Variants in CDC42BPG observed in about 807,000 individuals in gnomAD.
The protein encoded by CDC42BPG is CDC42 binding protein kinase gamma, also known as serine/threonine-protein kinase MRCK gamma.
Under a neutral mutation model 192.2 loss-of-function variants are expected in CDC42BPG, and 157 were observed. The ratio of observed to expected loss-of-function variants is 0.82; its 90% CI spans 0.72 to 0.93. CDC42BPG has a LOEUF of 0.93. Among genes scored for constraint, CDC42BPG ranks in the 40% least tolerant of loss-of-function variants. The probability of loss-of-function intolerance (pLI) is 0.00; values close to 1 mark genes in which losing one functional copy is unlikely to be tolerated. For synonymous variants in CDC42BPG, 981 were observed against 918.5 expected (o/e 1.07, Z -1.23); for missense variants, 1,992 against 2,122.1 (o/e 0.94, Z 1.20).
intron 36 of CDC42BPG, among the ~76,000 whole-genome samples, chr11:64,825,306 C>T (rs1942375255): frequency 6.6e-6 from 1 of 152,156 alleles, no homozygotes; most frequent in African/African-American, 2.4e-5. Context: ...ACCCCCACCA[C>T]CAAGGAGCCC....
At chr11:64,830,441 G>A in intron 28 of CDC42BPG, 185 bp from the exon 29 acceptor site, 5 of 638,356 alleles carry the variant, frequency 7.8e-6, no homozygotes, top group Admixed American at 2.4e-5. Context: ...GGGTTGGGGT[G>A]AGGCCCATCA....
At position 64,832,652 on chromosome 11, in the gene CDC42BPG, A is replaced by G. The variant is rs2136289427; in HGVS notation, c.2957T>C (p.Leu986Pro). ...GGCCCCACTGGGCGGGCTGAGCCTCAGGTCAGGGGCGTCAAACAGCAGCAG... is the reference window on the plus strand; with the variant it reads ...GGCCCCACTGGGCGGGCTGAGCCTCGGGTCAGGGGCGTCAAACAGCAGCAG... Reference protein sequence around the residue: ...SRLLLFDAPDLRLSPPSGALL... With the variant: ...SRLLLFDAPDPRLSPPSGALL... The change falls in exon 26 of 37, where the codon CTG becomes CCG. Residue 986 changes from leucine to proline, a missense_variant. By Grantham distance (98) the Leu-to-Pro change is moderately conservative. This residue lies in a region of CDC42BPG where 1,656 missense variants were observed against 1,844.3 expected (regional missense o/e 0.90). Coordinates refer to ENST00000342711, the MANE Select transcript of CDC42BPG (RefSeq NM_017525.3). 6.2e-7 allele frequency: 1 copy of G among 1,613,780 alleles called. No individual in the cohort carries two copies. The highest frequency in any genetic ancestry group is 8.5e-7 in the Non-Finnish European group (1 of 1,179,998).
At chr11:64,824,550 A>C (rs1942347506) in intron 36 of CDC42BPG, 21 bp from the exon 37 acceptor site, 1 of 1,579,378 alleles carries the variant, frequency 6.3e-7, no homozygotes, top group Admixed American at 1.7e-5. Context: ...AAGAAAAGGA[A>C]GTCAAGGGGT....
In CDC42BPG at chr11:64,838,178, G is replaced by A. The variant is rs1340228755; in HGVS notation, c.1126-16C>T. The A allele has an allele frequency of 3.2e-6, 5 of 1,547,228 alleles. No individual in the cohort carries two copies. Among genetic ancestry groups the A allele is most frequent in the African/African-American group, 2.7e-5 (2 of 73,022 alleles). On this transcript the variant is annotated splice_polypyrimidine_tract_variant and intron_variant, in intron 8 of 36. Transcript: ENST00000342711. ...GCAGGGTCCCCTGCAGAGGGAGAGG[G>A]AAGGAGAGTCAGAGTCCACAGGCCA...
In CDC42BPG at chr11:64,834,953, C is replaced by T. The variant is rs770211314; in HGVS notation, c.2071G>A (p.Glu691Lys). The T allele has an allele frequency of 1.2e-6, 2 of 1,614,062 alleles. No homozygotes were observed. The highest frequency in any genetic ancestry group is 2.2e-5 in the South Asian group (2 of 91,086). The change falls in exon 18 of 37, where the codon GAG (glutamate) becomes AAG (lysine). Residue 691 changes from glutamate to lysine, a missense_variant. Glu to Lys is a moderately conservative substitution (Grantham distance 56). This residue lies in a region of CDC42BPG where 1,656 missense variants were observed against 1,844.3 expected (regional missense o/e 0.90). Coordinates refer to ENST00000342711, the MANE Select transcript of CDC42BPG (RefSeq NM_017525.3). The part of the protein sequence containing the change: ...LADILSWVND[E>K]KVSRGYLQAL... The stretch of plus-strand genomic sequence containing the variant: ...TGCAGGTAGCCTCTTGAGACCTTCT[C>T]ATCATTCACCCTGAATGGGAAGGGG...
chr11:64,844,182 T>G (rs1565705288), intron 1 of CDC42BPG, among the ~76,000 whole-genome samples: 1 of 151,804 alleles, frequency 6.6e-6, no homozygotes, highest in Non-Finnish European at 1.5e-5. Flanking sequence ...TGTGCATGTG[T>G]CGGGGTCTGT....
intron 36 of CDC42BPG, among the ~76,000 whole-genome samples, chr11:64,824,954 C>T (rs1375696242): frequency 6.6e-6 from 1 of 151,308 alleles, no homozygotes; most frequent in African/African-American, 2.4e-5. Context: ...CAGAGTCTCG[C>T]TCTGGAGGCT....
intron 5 of CDC42BPG, 111 bp from the exon 6 acceptor site, chr11:64,839,682 A>T (rs1314866975): frequency 2.4e-6 from 2 of 831,326 alleles, no homozygotes. Flanking sequence ...GCTCACACAC[A>T]TTCCTGTGTG....
intron 18 of CDC42BPG, 119 bp downstream of exon 18, chr11:64,834,728 CTA>C: frequency 5.3e-6 from 7 of 1,329,736 alleles, no homozygotes; most frequent in Non-Finnish European, 7.2e-6. Flanking sequence ...AGGGAAATCA[CTA>C]TCTCTCATGA....
rs745610303 is a variant in CDC42BPG, at chr11:64,827,337, G to C, written c.4212C>G (p.Thr1404=). ...TDNSRRQLFR[T]KSKRRFFFRV... is the part of the protein sequence containing the mutation. ...GGAAAAAGAAGCGGCGCTTGCTCTTGGTGCGGAACAGCTGGCGCCGGCTGT... is the reference window on the plus strand; with the variant it reads ...GGAAAAAGAAGCGGCGCTTGCTCTTCGTGCGGAACAGCTGGCGCCGGCTGT... The change falls in exon 33 of 37, where the codon ACC becomes ACG. Residue 1404 remains threonine (T), a synonymous_variant. Coordinates refer to ENST00000342711, the MANE Select transcript of CDC42BPG (RefSeq NM_017525.3). The C allele has an allele frequency of 6.2e-7, 1 of 1,614,008 alleles. No individual in the cohort carries two copies. The highest frequency in any genetic ancestry group is 1.3e-5 in the African/African-American group (1 of 74,942).
At chr11:64,826,338 G>C in intron 36 of CDC42BPG, 132 bp downstream of exon 36, 1 of 680,622 alleles carries the variant, frequency 1.5e-6, no homozygotes, top group Non-Finnish European at 2.7e-6. Context: ...GTAAGAATCT[G>C]CATCTCGTAG....
chr11:64,842,651 C>T (rs931822260), intron 1 of CDC42BPG, among the ~76,000 whole-genome samples: 37 of 152,278 alleles, frequency 2.4e-4, no homozygotes, highest in South Asian at 4.1e-4. Flanking sequence ...CCTGTCTGGA[C>T]GAAGCTTTTG....
intron 16 of CDC42BPG, 38 bp downstream of exon 16, chr11:64,835,309 C>T (rs1942927788): frequency 6.2e-7 from 1 of 1,612,512 alleles, no homozygotes; most frequent in African/African-American, 1.3e-5. Flanking sequence ...ATTGCCTTGT[C>T]CGTCTGTTGT....
In CDC42BPG at chr11:64,836,891, C is replaced by T. The variant is rs953205486; in HGVS notation, c.1303+31G>A. 5 of 1,609,830 alleles carry T rather than the reference C, an allele frequency of 3.1e-6. No individual in the cohort carries two copies. The African/African-American group carries it at 4.0e-5, about 13-fold the overall frequency. On this transcript the variant is annotated intron_variant, in intron 10 of 36. Coordinates refer to ENST00000342711, the MANE Select transcript of CDC42BPG (RefSeq NM_017525.3). ...GCAGCAGCAGCCCCTAGGGCCAGCACACCCAGGCCCGGCCCAGCCGCTCCC... is the reference window on the plus strand; with the variant it reads ...GCAGCAGCAGCCCCTAGGGCCAGCATACCCAGGCCCGGCCCAGCCGCTCCC...
intron 4 of CDC42BPG, 132 bp downstream of exon 4, chr11:64,840,421 C>T: frequency 1.4e-6 from 2 of 1,389,860 alleles, no homozygotes; most frequent in South Asian, 2.6e-5. Flanking sequence ...GGCGCCAAGC[C>T]CAGGAACTGG....
chr11:64,824,751 T>C lies in CDC42BPG; in HGVS notation c.4600-222A>G, dbSNP rs142288359. On this transcript the variant is annotated intron_variant, in intron 36 of 36. Transcript: ENST00000342711. ...GAATGGACTCAAAGTCCTTTTTTTT[T>C]TCTTTTTTTCTGAGACAGAGTCTTG... Among the ~76,000 whole-genome samples the C allele has an allele frequency of 1.2e-3, 189 of 152,138 alleles. 5 individuals are homozygous for C. The East Asian group carries it at 0.034, about 27-fold the overall frequency.
Position 64,833,972 on chromosome 11 carries a change from T to C in CDC42BPG, c.2419A>G (p.Lys807Glu). The C allele has an allele frequency of 6.2e-7, 1 of 1,614,174 alleles. No homozygotes were observed. The highest frequency in any genetic ancestry group is 8.5e-7 in the Non-Finnish European group (1 of 1,180,010). The change falls in exon 21 of 37, where the codon AAG becomes GAG. Residue 807 changes from lysine (K) to glutamate (E), a missense_variant. This residue lies in a region of CDC42BPG where 1,656 missense variants were observed against 1,844.3 expected (regional missense o/e 0.90). Coordinates refer to ENST00000342711, the MANE Select transcript of CDC42BPG (RefSeq NM_017525.3). ...ELRARGPVDT[K>E]PSNSLIPFLS... ...AAGGGAATCAGGGAGTTTGAGGGCT[T>C]GGTGTCTGCAAAGAAAGGGTGGGTC...
chr11:64,838,134 G>A lies in CDC42BPG; in HGVS notation c.1154C>T (p.Ala385Val). ...GAATGGCAGGTGATGGCCGGAGAAG[G>A]CCCCGTGGGAGGGCGGTGGCAGGGT... ...PGTLPPPSHG[A>V]FSGHHLPFVG... is the part of the protein sequence containing the mutation. The change falls in exon 9 of 37, where the codon GCC (alanine) becomes GTC (valine). Residue 385 changes from alanine (A) to valine (V), a missense_variant. Physicochemically the swap from Ala to Val is moderately conservative, Grantham distance 64. Coordinates refer to ENST00000342711, the MANE Select transcript of CDC42BPG (RefSeq NM_017525.3). The A allele has an allele frequency of 6.4e-7, 1 of 1,553,968 alleles. No homozygotes were observed. Among genetic ancestry groups the A allele is most frequent in the Non-Finnish European group, 8.7e-7 (1 of 1,149,244 alleles).
chr11:64,827,266 G>A lies in CDC42BPG; in HGVS notation c.4271+12C>T, dbSNP rs776875707. The A allele has an allele frequency of 9.3e-6, 15 of 1,613,388 alleles. No homozygotes were observed. The East Asian group carries it at 1.1e-4, about 12-fold the overall frequency. ...CCCACCCAGCCTCAGCCCCCGCGTC[G>A]TGCACGCGCACCTGCGCTGCTGCTT... is the stretch of plus-strand genomic sequence containing the variant. On this transcript the variant is annotated intron_variant, in intron 33 of 36. Coordinates refer to ENST00000342711, the MANE Select transcript of CDC42BPG (RefSeq NM_017525.3).
Sources: allele counts gnomAD v4.1 joint callset (sites outside exome capture counted in the v4.1 genomes callset), GRCh38; gene constraint gnomAD v4.1.1; regional missense constraint gnomAD v4.1.1; transcripts MANE v1.5; gene names NCBI Gene and HGNC (gene_info 2026-07-23, HGNC 2026-07-21).